The following XPA variants were observed in gnomAD, a reference collection of about 807,000 sequenced individuals.
XPA encodes the protein XPA, DNA damage recognition and repair factor.
XPA carries 27 observed loss-of-function variants against 35.7 expected under a neutral mutation model. That is an observed-to-expected ratio of 0.76 (90% confidence interval 0.56 to 1.04). XPA has a LOEUF of 1.04. Ranked by LOEUF, XPA falls within the 50% of genes least tolerant of loss-of-function variation. The pLI, the probability that XPA is intolerant of heterozygous loss-of-function variation, is 0.00. For missense variants in XPA, 354 were observed against 342.7 expected (o/e 1.03, Z -0.26); for synonymous variants, 133 against 118.4 (o/e 1.12, Z -0.80).
the XPA span, among the ~76,000 whole-genome samples, chr9:97,659,625 CACTA>C: frequency 2.0e-5 from 3 of 152,150 alleles, no homozygotes; most frequent in South Asian, 2.1e-4. Flanking sequence ...GGCGTAGGTG[CACTA>C]ACTGAGTGGC....
At chr9:97,659,698 G>A in the XPA span, among the ~76,000 whole-genome samples, 1 of 152,172 alleles carries the variant, frequency 6.6e-6, no homozygotes, top group African/African-American at 2.4e-5. Flanking sequence ...ACTTAGAAGT[G>A]CTGGGTTTTG....
chr9:97,660,842 G>C, the XPA span: 24 of 1,328,736 alleles, frequency 1.8e-5, no homozygotes, highest in African/African-American at 2.1e-4. Context: ...ATCCTATTTT[G>C]AAAGGAAGAA....
At chr9:97,672,158 G>A (rs1376765178), downstream of XPA, 7 of 152,144 alleles carry the variant, frequency 4.6e-5, no homozygotes. Flanking sequence ...GATGACAGCA[G>A]TTTGTAAAAT....
chr9:97,697,276 C>G lies in XPA; in HGVS notation c.17G>C (p.Gly6Ala), dbSNP rs1829086621. Residue 6 changes from glycine to alanine, a missense_variant, in exon 1 of 6, where the codon GGG (glycine) becomes GCG (alanine). Gly to Ala is a moderately conservative substitution (Grantham distance 60, BLOSUM62 0). Transcript: ENST00000375128. ...TAAAGCCGCCGCCTCCGGCAAAGCCCCGTCGGCCGCCGCCATCTCTGGCCC... is the reference window on the plus strand; with the variant it reads ...TAAAGCCGCCGCCTCCGGCAAAGCCGCGTCGGCCGCCGCCATCTCTGGCCC... MAAAD[G>A]ALPEAAALEQ... 1 of 1,598,614 alleles carries G rather than the reference C, an allele frequency of 6.3e-7. No individual in the cohort carries two copies. The highest frequency in any genetic ancestry group is 8.5e-7 in the Non-Finnish European group (1 of 1,179,214).
In XPA at chr9:97,692,249, C is replaced by A. The variant is rs557892600; in HGVS notation, c.283+1400G>T. On this transcript the variant is annotated intron_variant, in intron 2 of 5. Transcript: ENST00000375128. ...GAGGTTGCGGTGAGCTGAGATCGCA[C>A]CATTACACTCCAGCCTGGGCAACGA... Among the ~76,000 whole-genome samples the A allele has an allele frequency of 8.6e-5, 13 of 151,356 alleles. No homozygotes were observed. In the South Asian group the frequency reaches 2.7e-3, roughly 31 times the overall value.
the XPA span, chr9:97,662,808 C>A: frequency 1.7e-6 from 1 of 601,878 alleles, no homozygotes. Context: ...TGTGATCACA[C>A]TTTTTGCATC....
intron 4 of XPA, 32 bp downstream of exon 4, chr9:97,687,064 G>A (rs1436906545): frequency 6.3e-7 from 1 of 1,586,250 alleles, no homozygotes; most frequent in Admixed American, 1.8e-5. Context: ...ATTTACCAGA[G>A]TGAAAAATAA....
intron 5 of XPA, among the ~76,000 whole-genome samples, chr9:97,684,561 C>T (rs1264224315): frequency 6.6e-6 from 1 of 152,136 alleles, no homozygotes; most frequent in Non-Finnish European, 1.5e-5. Flanking sequence ...TCATTTTAAG[C>T]AATTAGAGGG....
At chr9:97,666,530 A>G in the XPA span, among the ~76,000 whole-genome samples, 7 of 152,224 alleles carry the variant, frequency 4.6e-5, no homozygotes, top group Admixed American at 3.9e-4. Flanking sequence ...AAAAATGACT[A>G]CACAGTGCTG....
downstream of XPA, among the ~76,000 whole-genome samples, chr9:97,674,152 C>G (rs1035953818): frequency 1.3e-5 from 2 of 150,490 alleles, no homozygotes; most frequent in Non-Finnish European, 2.9e-5. Flanking sequence ...CCCCATAATG[C>G]TCTTACAACA....
chr9:97,675,675 C>T (rs181737929), intron 5 of XPA, 88 bp from the exon 6 acceptor site: 34 of 1,464,780 alleles, frequency 2.3e-5, no homozygotes, highest in Middle Eastern at 1.7e-4. Context: ...CAGCCATGTA[C>T]ATGTGTGTGT....
intron 2 of XPA, among the ~76,000 whole-genome samples, chr9:97,691,551 A>G (rs577906779): frequency 2.2e-4 from 34 of 152,208 alleles, no homozygotes; most frequent in African/African-American, 7.7e-4. Flanking sequence ...AAAAAATCCA[A>G]AAATTAGCCA....
chr9:97,656,157 G>GCAGATGATGTGCAATATTCTGA, the XPA span: 2 of 1,220,048 alleles, frequency 1.6e-6, no homozygotes, highest in South Asian at 2.5e-5. Flanking sequence ...CTTGTGATGT[G>GCAGATGATGTGCAATATTCTGA]TGTTCAGAAT....
the XPA span, chr9:97,655,585 G>C: frequency 2.8e-6 from 2 of 710,736 alleles, no homozygotes; most frequent in Non-Finnish European, 4.6e-6. Flanking sequence ...AGGGGAATAT[G>C]CTTTTCATTA....
chr9:97,668,914 T>A, the XPA span: 2 of 1,613,682 alleles, frequency 1.2e-6, no homozygotes, highest in South Asian at 1.1e-5. Context: ...TAGAACGACT[T>A]CAGGAAAAAG....
At chr9:97,660,716 A>G in the XPA span, among the ~76,000 whole-genome samples, 1 of 152,216 alleles carries the variant, frequency 6.6e-6, no homozygotes, top group Non-Finnish European at 1.5e-5. Flanking sequence ...AGTGTCCTTA[A>G]TGAATTGTTG....
intron 5 of XPA, among the ~76,000 whole-genome samples, chr9:97,680,486 G>C (rs923822358): frequency 6.6e-6 from 1 of 152,118 alleles, no homozygotes; most frequent in Non-Finnish European, 1.5e-5. Context: ...TGGGATTACA[G>C]AAGTGTTGGG....
chr9:97,681,908 C>T (rs1001562967), intron 5 of XPA, among the ~76,000 whole-genome samples: 1 of 152,176 alleles, frequency 6.6e-6, no homozygotes. Context: ...CAAAAGAACT[C>T]TCCAAATACT....
chr9:97,661,482 G>A, the XPA span, among the ~76,000 whole-genome samples: 6 of 151,948 alleles, frequency 3.9e-5, no homozygotes, highest in Non-Finnish European at 7.4e-5. Context: ...AGTTTTTCTG[G>A]GCAAGAGTGG....
Sources: allele counts gnomAD v4.1 joint callset (sites outside exome capture counted in the v4.1 genomes callset), GRCh38; gene constraint gnomAD v4.1.1; transcripts MANE v1.5; gene names NCBI Gene and HGNC (gene_info 2026-07-23, HGNC 2026-07-21).